Variants in USP48 observed in about 807,000 individuals in gnomAD.
USP48 encodes the protein ubiquitin specific peptidase 48.
In USP48, 43 loss-of-function variants were observed where a neutral mutation model predicts 150.7. The ratio of observed to expected loss-of-function variants is 0.29; its 90% confidence interval spans 0.22 to 0.37. The LOEUF (loss-of-function observed/expected upper bound fraction) is 0.37. Among genes scored for constraint, USP48 ranks in the 10% least tolerant of loss-of-function variants. USP48 has a pLI of 1.00. For synonymous variants in USP48, 396 were observed against 425.9 expected (o/e 0.93, Z 0.86); for missense variants, 813 against 1,249.6 (o/e 0.65, Z 5.27).
In USP48 at chr1:21,728,115, A is replaced by G. The variant is rs191122754; in HGVS notation, c.1450+455T>C. 9.3e-4 allele frequency: 920 copies of G among 986,108 alleles called. 1 individual carries two copies. The highest frequency in any genetic ancestry group is 2.6e-3 in the East Asian group (23 of 8,836). The allele number at this position is 986,108 out of a possible 1,614,324, so 61.1% of individuals were successfully genotyped here. A position where few individuals can be genotyped will look rare whatever the true frequency, so the allele number is the denominator to read the frequency against. On this transcript the variant is annotated intron_variant, in intron 11 of 26. Transcript: ENST00000308271. ...AGCAGAAAGCTTTTCTACTCTTAGC[A>G]TAATATTTGGTATTAAACTTCAAGT...
intron 24 of USP48, 59 bp downstream of exon 24, chr1:21,689,915 C>A: frequency 6.3e-7 from 1 of 1,597,720 alleles, no homozygotes; most frequent in South Asian, 1.1e-5. Flanking sequence ...ACACAGTTTA[C>A]ACATAGTTAT....
intron 15 of USP48, among the ~76,000 whole-genome samples, chr1:21,708,143 A>C (rs2097678342): frequency 6.6e-6 from 1 of 151,942 alleles, no homozygotes; most frequent in Non-Finnish European, 1.5e-5. Context: ...GGCCTGGGCA[A>C]CAGAGAGAGA....
chr1:21,707,235 C>T (rs1051709417), intron 15 of USP48, among the ~76,000 whole-genome samples: 15 of 152,120 alleles, frequency 9.9e-5, no homozygotes, highest in African/African-American at 3.6e-4. Flanking sequence ...CCATGGCAAG[C>T]GCTGCTTAAC....
rs932557499 is a variant in USP48 at position 21,712,508 on chromosome 1, A to G, written c.1963+2881T>C. Reference sequence around the variant, plus strand: ...CCTCCAGAAAGTGGTTTTAACAGAAACTTAATGAGTAAAGTGGATTTCTAA... The same window carrying G: ...CCTCCAGAAAGTGGTTTTAACAGAAGCTTAATGAGTAAAGTGGATTTCTAA... On this transcript the variant is annotated intron_variant, in intron 15 of 26. Coordinates refer to ENST00000308271, the MANE Select transcript of USP48 (RefSeq NM_032236.8). Among the ~76,000 whole-genome samples, 3 of 152,302 alleles carry G rather than the reference A, an allele frequency of 2.0e-5. No homozygotes were observed. The South Asian group carries it at 6.2e-4, about 32-fold the overall frequency.
intron 8 of USP48, among the ~76,000 whole-genome samples, chr1:21,737,716 AAAT>A (rs2097771705): frequency 6.6e-6 from 1 of 152,196 alleles, no homozygotes; most frequent in Non-Finnish European, 1.5e-5. Flanking sequence ...TTTTTCCAAC[AAAT>A]AATATCTTTT....
intron 5 of USP48, among the ~76,000 whole-genome samples, chr1:21,752,044 A>C (rs2097816884): frequency 6.6e-6 from 1 of 151,958 alleles, no homozygotes; most frequent in East Asian, 1.9e-4. Context: ...GAAAAGAAAT[A>C]AAAACAAAGT....
chr1:21,782,311 T>TA (rs900684920), intron 1 of USP48, among the ~76,000 whole-genome samples: 6 of 151,632 alleles, frequency 4.0e-5, no homozygotes, highest in Non-Finnish European at 5.9e-5. Flanking sequence ...AAGAAAGGCT[T>TA]AAAAAAAATA....
intron 22 of USP48, among the ~76,000 whole-genome samples, chr1:21,699,510 T>TTTTA (rs766573422): frequency 0.013 from 1,846 of 147,494 alleles, 16 homozygotes; most frequent in African/African-American, 0.022. Flanking sequence ...ATTTTTGTAT[T>TTTTA]TTTATTTATT....
At chr1:21,704,576 G>A (rs951081733) in intron 19 of USP48, 184 bp from the exon 20 acceptor site, 19 of 561,272 alleles carry the variant, frequency 3.4e-5, no homozygotes, top group Middle Eastern at 4.8e-4. Flanking sequence ...CCACAGCAGC[G>A]AAACTAAATG....
At chr1:21,692,215 G>A (rs1030486690) in intron 23 of USP48, among the ~76,000 whole-genome samples, 1 of 152,146 alleles carries the variant, frequency 6.6e-6, no homozygotes, top group African/African-American at 2.4e-5. Context: ...CCAGAGATCT[G>A]TGGCTAGCAA....
chr1:21,774,750 G>A (rs1047685904), intron 1 of USP48, among the ~76,000 whole-genome samples: 3 of 151,582 alleles, frequency 2.0e-5, no homozygotes, highest in South Asian at 2.1e-4. Context: ...TCAACACTTC[G>A]GGAGGCTGAG....
chr1:21,680,996 C>T, intron 25 of USP48, 162 bp from the exon 26 acceptor site: 1 of 587,030 alleles, frequency 1.7e-6, no homozygotes, highest in East Asian at 3.2e-5. Context: ...AATTTCAGAA[C>T]AATCTTTGTT....
intron 15 of USP48, chr1:21,715,095 C>A: frequency 6.8e-6 from 2 of 293,096 alleles, no homozygotes; most frequent in South Asian, 4.5e-5. Context: ...CATAGATAGC[C>A]CTAACAAGAT....
intron 12 of USP48, among the ~76,000 whole-genome samples, chr1:21,723,444 G>T (rs6703219): frequency 0.73 from 110,212 of 150,820 alleles, 40,787 homozygotes; most frequent in Admixed American, 0.81. Context: ...AACCCAGGAG[G>T]CGAAGGTTGC....
chr1:21,687,514 C>T (rs1238459583), intron 24 of USP48, among the ~76,000 whole-genome samples: 1 of 152,174 alleles, frequency 6.6e-6, no homozygotes, highest in African/African-American at 2.4e-5. Flanking sequence ...CACCTTTAGA[C>T]ATGGAAATGT....
At chr1:21,690,227 T>C in intron 23 of USP48, 128 bp from the exon 24 acceptor site, 1 of 1,078,884 alleles carries the variant, frequency 9.3e-7, no homozygotes, top group Non-Finnish European at 1.3e-6. Flanking sequence ...CCACTATTGT[T>C]TACAGTCAGC....
rs548945559 is a variant in USP48 at position 21,722,633 on chromosome 1, C to G, written c.1649-869G>C. 8.5e-4 allele frequency among the ~76,000 whole-genome samples: 125 copies of G among 146,658 alleles called. 1 individual carries two copies. Among genetic ancestry groups the G allele is most frequent in the Non-Finnish European group, 1.5e-3 (98 of 66,132 alleles). On this transcript the variant is annotated intron_variant, in intron 12 of 26. Coordinates refer to ENST00000308271, the MANE Select transcript of USP48 (RefSeq NM_032236.8). ...GCCGAGGCAGGTCAATCACTTGAGC[C>G]TAGGAGTTCAAGACCAGCCTGGGCA...
At chr1:21,689,149 T>C (rs901163340) in intron 24 of USP48, among the ~76,000 whole-genome samples, 6 of 150,602 alleles carry the variant, frequency 4.0e-5, no homozygotes, top group Non-Finnish European at 7.4e-5. Context: ...TCAGCAGAGA[T>C]AGATTTTAAA....
intron 3 of USP48, among the ~76,000 whole-genome samples, chr1:21,755,937 G>A (rs1031731519): frequency 4.0e-5 from 6 of 151,680 alleles, no homozygotes; most frequent in South Asian, 4.2e-4. Context: ...AAGCCGAGGC[G>A]GGTGGATCAC....
Sources: gnomAD v4.1 joint callset for allele counts (sites outside exome capture counted in the v4.1 genomes callset) on GRCh38, gnomAD v4.1.1 for gene constraint, MANE v1.5 for transcripts, NCBI Gene and HGNC (gene_info 2026-07-23, HGNC 2026-07-21) for gene names.